Variants in LINGO2 observed in about 807,000 individuals in gnomAD.
LINGO2 encodes the protein leucine rich repeat and Ig domain containing 2.
In LINGO2, 14 loss-of-function variants were observed where a neutral mutation model predicts 30.6. That is an observed-to-expected ratio of 0.46 (90% CI 0.30 to 0.72). The LOEUF (loss-of-function observed/expected upper bound fraction) is 0.72. Ranked by LOEUF, LINGO2 falls within the 30% of genes least tolerant of loss-of-function variation. The pLI is 0.07. For synonymous variants in LINGO2, 317 were observed against 288.5 expected (o/e 1.10, Z -1.00); for missense variants, 729 against 751.7 (o/e 0.97, Z 0.35).
At chr9:27,941,206 G>A in the LINGO2 span, 1 of 152,272 alleles carries the variant, frequency 6.6e-6, no homozygotes, top group Non-Finnish European at 1.5e-5. Flanking sequence ...GGAAGCCGAG[G>A]TGGGCGGATC....
At chr9:28,856,291 T>C in the LINGO2 span, among the ~76,000 whole-genome samples, 1 of 151,998 alleles carries the variant, frequency 6.6e-6, no homozygotes, top group Admixed American at 6.6e-5. Flanking sequence ...AGCATCCTCT[T>C]CATAACAGGA....
the LINGO2 span, among the ~76,000 whole-genome samples, chr9:29,170,752 A>G: frequency 2.0e-5 from 3 of 152,138 alleles, no homozygotes; most frequent in Non-Finnish European, 4.4e-5. Context: ...GTTACTCAAC[A>G]AAATAAACTC....
the LINGO2 span, among the ~76,000 whole-genome samples, chr9:28,791,593 T>G: frequency 6.6e-6 from 1 of 152,056 alleles, no homozygotes; most frequent in Non-Finnish European, 1.5e-5. Flanking sequence ...GAATATATCT[T>G]ATCCTAAGAT....
At chr9:28,966,045 T>C in the LINGO2 span, among the ~76,000 whole-genome samples, 1 of 152,146 alleles carries the variant, frequency 6.6e-6, no homozygotes, top group Non-Finnish European at 1.5e-5. Context: ...AGATAATCTA[T>C]GGATAGAGAA....
chr9:28,575,431 AC>A (rs1823920044), intron 1 of LINGO2, among the ~76,000 whole-genome samples: 1 of 151,344 alleles, frequency 6.6e-6, no homozygotes, highest in Non-Finnish European at 1.5e-5. Context: ...AAAAAACAAC[AC>A]AAAAAAAACC....
At chr9:28,357,316 C>CAA (rs1491395875) in intron 3 of LINGO2, among the ~76,000 whole-genome samples, 3 of 28,726 alleles carry the variant, frequency 1.0e-4, no homozygotes, top group African/African-American at 7.1e-4. Context: ...AGAAATAAAG[C>CAA]CCACCCCCCC....
chr9:29,093,084 CAGAG>C, the LINGO2 span, among the ~76,000 whole-genome samples: 37 of 112,070 alleles, frequency 3.3e-4, 5 homozygotes, highest in African/African-American at 1.2e-3. Flanking sequence ...GAGAGAGGGA[CAGAG>C]AGAGAGAGAG....
chr9:28,473,424 CAT>C (rs1430752910), intron 2 of LINGO2, among the ~76,000 whole-genome samples: 1 of 152,034 alleles, frequency 6.6e-6, no homozygotes, highest in Admixed American at 6.6e-5. Context: ...CACACACACA[CAT>C]ACACATACAC....
intron 4 of LINGO2, among the ~76,000 whole-genome samples, chr9:28,099,901 G>A (rs957227707): frequency 2.6e-5 from 4 of 152,070 alleles, no homozygotes; most frequent in African/African-American, 9.7e-5. Flanking sequence ...CTGTCTGAAT[G>A]TTCTTTCACT....
intron 4 of LINGO2, among the ~76,000 whole-genome samples, chr9:28,287,017 A>G (rs1178672254): frequency 6.6e-6 from 1 of 152,200 alleles, no homozygotes; most frequent in Non-Finnish European, 1.5e-5. Context: ...TCATTCATTC[A>G]GTCAGTTACC....
At chr9:28,561,749 GTATATATATATATA>G (rs1554637723) in intron 1 of LINGO2, among the ~76,000 whole-genome samples, 2 of 48,754 alleles carry the variant, frequency 4.1e-5, no homozygotes, top group Non-Finnish European at 7.2e-5. Flanking sequence ...GTGTGTGTGT[GTATATATATATATA>G]TATATATATA....
the LINGO2 span, among the ~76,000 whole-genome samples, chr9:28,806,810 A>C: frequency 4.6e-5 from 7 of 152,210 alleles, no homozygotes; most frequent in South Asian, 1.5e-3. Context: ...TTTCTCAAGC[A>C]TACTTGGCTA....
chr9:28,290,827 C>T (rs1438604415), intron 4 of LINGO2, among the ~76,000 whole-genome samples: 6 of 152,114 alleles, frequency 3.9e-5, no homozygotes, highest in Non-Finnish European at 8.8e-5. Context: ...CAGTTTCAAG[C>T]TTTAAGATCA....
chr9:28,189,689 AAGGAAGGGAGGG>A (rs1411466750), intron 4 of LINGO2, among the ~76,000 whole-genome samples: 3 of 61,790 alleles, frequency 4.9e-5, no homozygotes, highest in African/African-American at 1.8e-4. Flanking sequence ...GGAAGGGAGG[AAGGAAGGGAGGG>A]AGGAAGGAAG....
chr9:28,135,444 T>C (rs1375839031), intron 4 of LINGO2, among the ~76,000 whole-genome samples: 2 of 149,156 alleles, frequency 1.3e-5, no homozygotes, highest in African/African-American at 5.0e-5. Flanking sequence ...ACAACAGAAA[T>C]GAGAAAAATT....
intron 4 of LINGO2, among the ~76,000 whole-genome samples, chr9:28,238,129 C>G (rs1195080814): frequency 6.7e-6 from 1 of 150,186 alleles, no homozygotes; most frequent in Non-Finnish European, 1.5e-5. Context: ...CCAGATATAT[C>G]AAGCAAATAT....
intron 1 of LINGO2, among the ~76,000 whole-genome samples, chr9:28,656,029 G>A (rs969720226): frequency 6.6e-6 from 1 of 152,066 alleles, no homozygotes; most frequent in African/African-American, 2.4e-5. Flanking sequence ...TGAGAAGCAG[G>A]TGAATTATTT....
At chr9:28,371,122 G>C (rs1820878570) in intron 3 of LINGO2, among the ~76,000 whole-genome samples, 1 of 152,092 alleles carries the variant, frequency 6.6e-6, no homozygotes, top group Non-Finnish European at 1.5e-5. Flanking sequence ...CCTGGAGATG[G>C]GTCTGGAGTT....
chr9:29,112,673 A>C, the LINGO2 span, among the ~76,000 whole-genome samples: 1 of 152,190 alleles, frequency 6.6e-6, no homozygotes, highest in Non-Finnish European at 1.5e-5. Flanking sequence ...TACTGGAAAA[A>C]TGCTACTCCA....
Sources: allele counts gnomAD v4.1 joint callset (sites outside exome capture counted in the v4.1 genomes callset), GRCh38; gene constraint gnomAD v4.1.1; transcripts MANE v1.5; gene names NCBI Gene and HGNC (gene_info 2026-07-23, HGNC 2026-07-21).